The following TG variants were observed in gnomAD, a reference collection of about 807,000 sequenced individuals.
The protein encoded by TG is thyroid hormones.
Under a neutral mutation model 324.7 loss-of-function variants are expected in TG, and 270 were observed. The ratio of observed to expected loss-of-function variants is 0.83; its 90% confidence interval spans 0.75 to 0.92. The LOEUF is 0.92. Among genes scored for constraint, TG ranks in the 40% least tolerant of loss-of-function variants. TG has a pLI of 0.00. For synonymous variants in TG, 1,401 were observed against 1,327.0 expected, an observed-to-expected ratio of 1.06 and a Z score of -1.21; for missense variants, 3,591 against 3,456.4, an observed-to-expected ratio of 1.04 and a Z score of -0.98.
chr8:133,006,686 G>T (rs1158286920), intron 35 of TG, among the ~76,000 whole-genome samples: 1 of 152,146 alleles, frequency 6.6e-6, no homozygotes, highest in Admixed American at 6.5e-5. Context: ...ATATAGTTTT[G>T]GTCCTGTTTT....
intron 35 of TG, among the ~76,000 whole-genome samples, chr8:132,991,008 T>G (rs1430773190): frequency 1.3e-5 from 2 of 151,010 alleles, no homozygotes; most frequent in Admixed American, 1.3e-4. Context: ...AGGGAGAAGT[T>G]GAACCTTAGT....
chr8:132,948,828 C>T lies in TG; in HGVS notation c.5286C>T (p.Val1762=). 6.2e-7 allele frequency: 1 copy of T among 1,613,956 alleles called. No homozygotes were observed. Among genetic ancestry groups the T allele is most frequent in the Non-Finnish European group, 8.5e-7 (1 of 1,180,008 alleles). The change falls in exon 27 of 48, where the codon GTC becomes GTT. Residue 1762 remains valine (V), a synonymous_variant. Transcript: ENST00000220616. ...CACCCAGTGTCCTGCTTTGTAATGT[C>T]AAAGACTGGATGGATCCCTCTGAAG... The part of the protein sequence containing the change: ...LSSPSVLLCN[V]KDWMDPSEAW...
rs1320160581 is a variant in TG at position 133,024,268 on chromosome 8, A to G, written c.7036+2118A>G. 4.0e-5 allele frequency among the ~76,000 whole-genome samples: 6 copies of G among 151,710 alleles called. No homozygotes were observed. The East Asian group carries it at 1.2e-3, about 29-fold the overall frequency. On this transcript the variant is annotated intron_variant, in intron 40 of 47. Coordinates refer to ENST00000220616, the MANE Select transcript of TG (RefSeq NM_003235.5). ...AATTCCCTGTTCTTCAGCTGTGCTG[A>G]ACAGTGTCTGTCTTTTGCATTCATT... is the stretch of plus-strand genomic sequence containing the variant.
rs571732238 is a variant in TG at position 133,123,442 on chromosome 8, GTCTAATGCCTCCTGTGTTCTC to G, written c.7862+6742_7862+6762del. ...CCGGGTCTGAGGCCCTGGGCATTCT[GTCTAATGCCTCCTGTGTTCTC>G]TCTAATGCCTCCTGTCACTTGCCCA... On this transcript the variant is annotated intron_variant, in intron 45 of 47. Transcript: ENST00000220616. Among the ~76,000 whole-genome samples the G allele has an allele frequency of 3.4e-3, 523 of 152,248 alleles. 1 individual carries two copies. The highest frequency in any genetic ancestry group is 5.4e-3 in the Non-Finnish European group (366 of 68,002).
At chr8:133,044,991 G>A (rs1169722349) in intron 41 of TG, 1 of 1,614,070 alleles carries the variant, frequency 6.2e-7, no homozygotes, top group African/African-American at 1.3e-5. Context: ...TACCAGAATA[G>A]TGGTTCACCA....
At chr8:132,966,757 C>G in intron 30 of TG, 60 bp downstream of exon 30, 33 of 1,609,484 alleles carry the variant, frequency 2.1e-5, no homozygotes, top group Non-Finnish European at 2.8e-5. Context: ...CATCACAGGC[C>G]AAGTCTGGCA....
At chr8:133,071,877 A>G (rs1001418169) in intron 41 of TG, among the ~76,000 whole-genome samples, 2 of 152,226 alleles carry the variant, frequency 1.3e-5, no homozygotes, top group Non-Finnish European at 2.9e-5. Context: ...GTTCATGTCT[A>G]TTATATTCCT....
At chr8:133,111,395 G>T (rs1850237221) in intron 43 of TG, among the ~76,000 whole-genome samples, 1 of 152,210 alleles carries the variant, frequency 6.6e-6, no homozygotes, top group African/African-American at 2.4e-5. Flanking sequence ...CGAAACATAT[G>T]TGTGAAATGT....
chr8:132,991,376 G>A (rs1038129611), intron 35 of TG, among the ~76,000 whole-genome samples: 1 of 152,210 alleles, frequency 6.6e-6, no homozygotes, highest in African/African-American at 2.4e-5. Flanking sequence ...GCACTGGGCT[G>A]ATGGCGTGTT....
At chr8:133,098,046 G>C (rs1225182812) in intron 43 of TG, among the ~76,000 whole-genome samples, 1 of 152,120 alleles carries the variant, frequency 6.6e-6, no homozygotes, top group Non-Finnish European at 1.5e-5. Flanking sequence ...AATACCTTTT[G>C]TACCTGATCC....
At chr8:133,067,033 C>A (rs1460735963) in intron 41 of TG, among the ~76,000 whole-genome samples, 1 of 152,188 alleles carries the variant, frequency 6.6e-6, no homozygotes, top group Non-Finnish European at 1.5e-5. Context: ...CCAGTACCGG[C>A]ACAATTGACT....
intron 41 of TG, among the ~76,000 whole-genome samples, chr8:133,062,238 G>A (rs762380959): frequency 3.3e-5 from 5 of 152,032 alleles, no homozygotes; most frequent in African/African-American, 1.2e-4. Context: ...AAAAACATGC[G>A]CACCCAAAAT....
intron 25 of TG, among the ~76,000 whole-genome samples, chr8:132,939,765 C>T (rs1824165803): frequency 6.6e-6 from 1 of 152,188 alleles, no homozygotes; most frequent in East Asian, 1.9e-4. Flanking sequence ...CAACCTCTGC[C>T]TCCCAGGTTG....
chr8:132,973,898 T>C (rs533689283), intron 34 of TG, among the ~76,000 whole-genome samples: 8 of 152,216 alleles, frequency 5.3e-5, no homozygotes, highest in Admixed American at 3.9e-4. Flanking sequence ...TTCTGGCTCT[T>C]ACTTAGCACT....
chr8:133,020,659 G>GA (rs1385600486), intron 39 of TG, among the ~76,000 whole-genome samples: 1 of 152,176 alleles, frequency 6.6e-6, no homozygotes, highest in African/African-American at 2.4e-5. Flanking sequence ...ATCTGAGCTG[G>GA]AATGTCAGAG....
At chr8:132,980,060 A>T (rs887399269) in intron 34 of TG, among the ~76,000 whole-genome samples, 2 of 152,082 alleles carry the variant, frequency 1.3e-5, no homozygotes, top group Admixed American at 1.3e-4. Context: ...AGCCAAAAGG[A>T]AGGGGTGCAT....
chr8:133,041,413 G>C (rs1587844161), intron 41 of TG, among the ~76,000 whole-genome samples: 1 of 152,376 alleles, frequency 6.6e-6, no homozygotes, highest in South Asian at 2.1e-4. Flanking sequence ...CTTCAACTGT[G>C]AACTCAAATG....
In TG at chr8:133,017,877, C is replaced by T; in HGVS notation, c.6662C>T (p.Ser2221Leu). ...GRSQAIQVGT[S>L]WKQVDQFLGV... ...TCCCAGGCCATCCAGGTGGGTACCT[C>T]ATGGAAGCAAGTGGACCAGTTCCTT... Residue 2221 changes from serine to leucine, a missense_variant, in exon 38 of 48, where the codon TCA becomes TTA. Coordinates refer to ENST00000220616, the MANE Select transcript of TG (RefSeq NM_003235.5). The T allele has an allele frequency of 6.2e-7, 1 of 1,614,208 alleles. No homozygotes were observed. The highest frequency in any genetic ancestry group is 8.5e-7 in the Non-Finnish European group (1 of 1,180,032).
intron 43 of TG, among the ~76,000 whole-genome samples, chr8:133,112,384 C>G (rs943131780): frequency 8.5e-5 from 13 of 152,218 alleles, no homozygotes; most frequent in African/African-American, 3.1e-4. Flanking sequence ...GGCCTCACAC[C>G]AGGGGCTGCA....
Sources: allele counts gnomAD v4.1 joint callset (sites outside exome capture counted in the v4.1 genomes callset), GRCh38; gene constraint gnomAD v4.1.1; transcripts MANE v1.5; gene names NCBI Gene and HGNC (gene_info 2026-07-23, HGNC 2026-07-21).